STX18: variants seen among roughly 807,000 people sequenced by gnomAD.
STX18 encodes syntaxin-18.
Under a neutral mutation model 50.1 loss-of-function variants are expected in STX18, and 40 were observed. The ratio of observed to expected loss-of-function variants is 0.80; its 90% CI spans 0.62 to 1.04. STX18 has a LOEUF of 1.04. STX18 is among the 50% of genes least tolerant of loss of function. STX18 has a pLI of 0.00. For missense variants in STX18, 410 were observed against 415.8 expected, an observed-to-expected ratio of 0.99 and a Z score of 0.12; for synonymous variants, 158 against 151.8, an observed-to-expected ratio of 1.04 and a Z score of -0.30.
intron 7 of STX18, among the ~76,000 whole-genome samples, chr4:4,432,845 C>T (rs906349448): frequency 1.3e-5 from 2 of 152,244 alleles, no homozygotes; most frequent in Admixed American, 6.5e-5. Flanking sequence ...CTGAGCCAGT[C>T]CTCTGCCCTT....
At chr4:4,484,554 G>A (rs77222147) in intron 1 of STX18, among the ~76,000 whole-genome samples, 2,028 of 152,244 alleles carry the variant, frequency 0.013, 15 homozygotes, top group Non-Finnish European at 0.019. Flanking sequence ...TTCAAAAAAT[G>A]AGATGAAAAT....
chr4:4,470,518 A>G (rs975182144), intron 2 of STX18, among the ~76,000 whole-genome samples: 1 of 152,220 alleles, frequency 6.6e-6, no homozygotes, highest in Admixed American at 6.5e-5. Flanking sequence ...ACCTCATGAC[A>G]TGTACAGCCT....
At chr4:4,510,713 T>C (rs568014646) in intron 1 of STX18, among the ~76,000 whole-genome samples, 1 of 152,114 alleles carries the variant, frequency 6.6e-6, no homozygotes, top group Admixed American at 6.5e-5. Context: ...TGTATGTTTT[T>C]TGCAGCACTA....
At chr4:4,532,212 G>A (rs1277229277) in intron 1 of STX18, among the ~76,000 whole-genome samples, 2 of 152,182 alleles carry the variant, frequency 1.3e-5, no homozygotes, top group Non-Finnish European at 2.9e-5. Flanking sequence ...CAGAAAAAAT[G>A]TTTGGAAAGT....
chr4:4,482,008 C>T (rs192027531), intron 1 of STX18, among the ~76,000 whole-genome samples: 16 of 152,326 alleles, frequency 1.1e-4, no homozygotes, highest in South Asian at 4.1e-4. Context: ...TCACCAAACT[C>T]GGATGGCTCT....
intron 1 of STX18, among the ~76,000 whole-genome samples, chr4:4,525,717 C>T (rs925502743): frequency 5.9e-4 from 89 of 152,118 alleles, no homozygotes; most frequent in African/African-American, 2.1e-3. Flanking sequence ...CACAAATAAA[C>T]AATATCATTT....
intron 1 of STX18, among the ~76,000 whole-genome samples, chr4:4,513,049 C>T (rs1282851564): frequency 6.6e-6 from 1 of 152,006 alleles, no homozygotes; most frequent in Admixed American, 6.6e-5. Flanking sequence ...ATCAAACGGA[C>T]ATAAGGGTAT....
At chr4:4,501,467 C>T (rs148974039) in intron 1 of STX18, among the ~76,000 whole-genome samples, 1 of 152,094 alleles carries the variant, frequency 6.6e-6, no homozygotes, top group Non-Finnish European at 1.5e-5. Context: ...TTCTTTCACT[C>T]GTTAGTGATT....
At position 4,419,858 on chromosome 4, in the gene STX18, C is replaced by G. The variant is rs899015609; in HGVS notation, c.*176G>C. 3.3e-6 allele frequency: 2 copies of G among 598,136 alleles called. No homozygotes were observed. Among genetic ancestry groups the G allele is most frequent in the Non-Finnish European group, 5.9e-6 (2 of 340,624 alleles). The allele number at this position is 598,136 out of a possible 1,614,324, so 37.1% of individuals were successfully genotyped here. ...TTTTCAGCTGCTAAATGGCTGAACACCATCGGCCTGGGGTATCCCTTTTTG... is the reference window on the plus strand; with the variant it reads ...TTTTCAGCTGCTAAATGGCTGAACAGCATCGGCCTGGGGTATCCCTTTTTG... On this transcript the variant is annotated 3_prime_UTR_variant, in exon 11 of 11. Coordinates refer to ENST00000306200, the MANE Select transcript of STX18 (RefSeq NM_016930.4).
At chr4:4,514,478 A>T (rs1326294290) in intron 1 of STX18, among the ~76,000 whole-genome samples, 1 of 152,236 alleles carries the variant, frequency 6.6e-6, no homozygotes, top group Non-Finnish European at 1.5e-5. Context: ...TGTGATTTCT[A>T]CTAACTTTTA....
chr4:4,440,837 G>C (rs1352211745), intron 5 of STX18, among the ~76,000 whole-genome samples: 1 of 152,148 alleles, frequency 6.6e-6, no homozygotes, highest in Non-Finnish European at 1.5e-5. Context: ...TTAGTGCCTT[G>C]AAACAGTGAG....
At chr4:4,487,248 T>C (rs1000963364) in intron 1 of STX18, among the ~76,000 whole-genome samples, 4 of 152,198 alleles carry the variant, frequency 2.6e-5, no homozygotes, top group Admixed American at 6.5e-5. Context: ...GTCTGCATGG[T>C]CACACTAAGC....
intron 5 of STX18, among the ~76,000 whole-genome samples, chr4:4,445,720 CTAT>C (rs1410621939): frequency 6.6e-6 from 1 of 152,062 alleles, no homozygotes; most frequent in Non-Finnish European, 1.5e-5. Context: ...CAAAGATATA[CTAT>C]GTTTGTGGAT....
intron 2 of STX18, among the ~76,000 whole-genome samples, chr4:4,464,966 T>G (rs913257717): frequency 6.6e-6 from 1 of 152,140 alleles, no homozygotes; most frequent in Non-Finnish European, 1.5e-5. Flanking sequence ...ATTTCTTGTC[T>G]TCTGCTAGCT....
rs1034275656 is a variant in STX18, at chr4:4,419,879, T to C, written c.*155A>G. Reference sequence around the variant, plus strand: ...AACACCATCGGCCTGGGGTATCCCTTTTTGGGGAATACGTCTGTCTGTCTG... The same window carrying C: ...AACACCATCGGCCTGGGGTATCCCTCTTTGGGGAATACGTCTGTCTGTCTG... On this transcript the variant is annotated 3_prime_UTR_variant, in exon 11 of 11. Coordinates refer to ENST00000306200, the MANE Select transcript of STX18 (RefSeq NM_016930.4). 1 of 660,484 alleles carries C rather than the reference T, an allele frequency of 1.5e-6. No individual in the cohort carries two copies. Among genetic ancestry groups the C allele is most frequent in the Admixed American group, 2.7e-5 (1 of 37,142 alleles). 40.9% of individuals were successfully genotyped at this position (660,484 alleles called of 1,614,324 possible).
intron 2 of STX18, among the ~76,000 whole-genome samples, chr4:4,468,163 CCTAAGG>C (rs1727715086): frequency 6.6e-6 from 1 of 152,198 alleles, no homozygotes; most frequent in African/African-American, 2.4e-5. Flanking sequence ...AAGATGTAAT[CCTAAGG>C]CTTACTGCAG....
At chr4:4,521,318 A>G (rs1385660692) in intron 1 of STX18, among the ~76,000 whole-genome samples, 1 of 152,200 alleles carries the variant, frequency 6.6e-6, no homozygotes, top group Non-Finnish European at 1.5e-5. Flanking sequence ...ACACAAACAC[A>G]ATACCACAAT....
intron 1 of STX18, among the ~76,000 whole-genome samples, chr4:4,494,518 C>G (rs1349025910): frequency 6.6e-6 from 1 of 152,184 alleles, no homozygotes; most frequent in African/African-American, 2.4e-5. Context: ...TGAATCTTCA[C>G]AAAAGTCCTC....
rs1463516550 is a variant in STX18, at chr4:4,507,434, G to A, written c.168+34363C>T. 55 of 759,276 alleles carry A rather than the reference G, an allele frequency of 7.2e-5. 1 individual carries two copies. The highest frequency in any genetic ancestry group is 1.5e-4 in the South Asian group (11 of 74,332). 47.0% of individuals were successfully genotyped at this position (759,276 alleles called of 1,614,324 possible). A position where few individuals can be genotyped will look rare whatever the true frequency, so the allele number is the denominator to read the frequency against. ...AAATCTTTCCAGAAAATCCAAGTCC[G>A]GCTAGTATGCGAACTGGAGAAAAAG... On this transcript the variant is annotated intron_variant, in intron 1 of 10. Transcript: ENST00000306200.
Sources: allele counts gnomAD v4.1 joint callset (sites outside exome capture counted in the v4.1 genomes callset), GRCh38; gene constraint gnomAD v4.1.1; transcripts MANE v1.5; gene names NCBI Gene and HGNC (gene_info 2026-07-23, HGNC 2026-07-21).